MFSD12: variants seen among roughly 807,000 people sequenced by gnomAD.
MFSD12 encodes the protein major facilitator superfamily domain-containing protein 12.
MFSD12 carries 67 observed loss-of-function variants against 51.2 expected under a neutral mutation model. The ratio of observed to expected loss-of-function variants is 1.31; its 90% CI spans 1.08 to 1.60. MFSD12 has a LOEUF of 1.60. Ranked by LOEUF, MFSD12 falls within the 40% of genes most tolerant of loss-of-function variation. The probability of loss-of-function intolerance (pLI) is 0.00; values close to 1 mark genes in which losing one functional copy is unlikely to be tolerated. For synonymous variants in MFSD12, 441 were observed against 316.7 expected, an observed-to-expected ratio of 1.39 and a Z score of -4.17; for missense variants, 921 against 673.0, an observed-to-expected ratio of 1.37 and a Z score of -4.08.
chr19:3,554,909 C>T (rs1249997549), intron 1 of MFSD12, among the ~76,000 whole-genome samples: 1 of 152,184 alleles, frequency 6.6e-6, no homozygotes, highest in Non-Finnish European at 1.5e-5. Context: ...GCTTCTGCTC[C>T]CAACAGACCC....
downstream of MFSD12, among the ~76,000 whole-genome samples, chr19:3,540,958 CAGG>C (rs991785498): frequency 2.6e-5 from 4 of 151,364 alleles, no homozygotes; most frequent in African/African-American, 9.7e-5. Context: ...ATCACGAGGT[CAGG>C]AGATCAAGAC....
downstream of MFSD12, chr19:3,543,630 G>T (rs764052909): frequency 5.8e-6 from 9 of 1,544,410 alleles, no homozygotes; most frequent in African/African-American, 5.5e-5. Context: ...CCCAGCACCC[G>T]GTGGGGGAGC....
chr19:3,544,834 C>T lies in MFSD12; in HGVS notation c.1395G>A (p.Leu465=), dbSNP rs1171783548. Residue 465 remains leucine, a synonymous_variant, in exon 9 of 10, where the codon CTG becomes CTA. Transcript: ENST00000355415. ...VAAALCLCSL[L]LWPTRLRRWD... Reference sequence around the variant, plus strand: ...AGCGTCGCAGGCGGGTCGGCCACAGCAGGAGGCTACAGAGACACAGGGCAG... The same window carrying T: ...AGCGTCGCAGGCGGGTCGGCCACAGTAGGAGGCTACAGAGACACAGGGCAG... 2 of 1,612,430 alleles carry T rather than the reference C, an allele frequency of 1.2e-6. No individual in the cohort carries two copies. Among genetic ancestry groups the T allele is most frequent in the South Asian group, 1.1e-5 (1 of 91,042 alleles).
chr19:3,543,020 G>A (rs749448327), downstream of MFSD12: 22 of 1,605,054 alleles, frequency 1.4e-5, no homozygotes, highest in East Asian at 2.3e-5. Context: ...TGCTTGGGGT[G>A]CGATGTGTGG....
chr19:3,540,771 T>G (rs150908739), downstream of MFSD12, among the ~76,000 whole-genome samples: 1 of 146,068 alleles, frequency 6.8e-6, no homozygotes, highest in Non-Finnish European at 1.5e-5. Context: ...CCCAGCTACT[T>G]GGGAGGCTGA....
intron 1 of MFSD12, 131 bp downstream of exon 1, chr19:3,556,975 G>C (rs1287564024): frequency 1.1e-6 from 1 of 906,518 alleles, no homozygotes; most frequent in Non-Finnish European, 1.6e-6. Context: ...CGGGCCACGG[G>C]ACAGACAGAC....
intron 1 of MFSD12, among the ~76,000 whole-genome samples, chr19:3,556,737 T>G (rs1599844222): frequency 6.8e-6 from 1 of 146,550 alleles, no homozygotes; most frequent in East Asian, 2.0e-4. Context: ...GCCAGAGGGG[T>G]GAAAACTCAG....
intron 2 of MFSD12, among the ~76,000 whole-genome samples, chr19:3,549,266 A>G (rs1267973084): frequency 6.6e-6 from 1 of 152,182 alleles, no homozygotes. Flanking sequence ...AGCCCCAGAG[A>G]GGCCTGCCCA....
chr19:3,546,579 G>A (rs1017544688), intron 6 of MFSD12, among the ~76,000 whole-genome samples, 154 bp from the exon 7 acceptor site: 2 of 152,278 alleles, frequency 1.3e-5, no homozygotes, highest in Non-Finnish European at 2.9e-5. Context: ...CAACACCGAG[G>A]CTCTGCAGAT....
At chr19:3,541,618 G>A, downstream of MFSD12, 1 of 984,752 alleles carries the variant, frequency 1.0e-6, no homozygotes, top group Non-Finnish European at 1.2e-6. Flanking sequence ...ACCGCACCCA[G>A]TGCAAGACCC....
In MFSD12 at chr19:3,546,315, G is replaced by A; in HGVS notation, c.1134C>T (p.Gly378=). The A allele has an allele frequency of 6.2e-7, 1 of 1,609,498 alleles. No individual in the cohort carries two copies. The highest frequency in any genetic ancestry group is 8.5e-7 in the Non-Finnish European group (1 of 1,178,738). Residue 378 remains glycine (G), a synonymous_variant, in exon 7 of 10, where the codon GGC becomes GGT. Transcript: ENST00000355415. ...VYAAAVLLGA[G]CATILVTSLA... is the part of the protein sequence containing the mutation. ...GCGAGGTGACGAGGATGGTGGCACA[G>A]CCAGCACCCAGCAGCACAGCCGCTG...
At position 3,544,729 on chromosome 19, in the gene MFSD12, T is replaced by C. The variant is rs755898077; in HGVS notation, c.1424A>G (p.Asp475Gly). The C allele has an allele frequency of 7.7e-6, 11 of 1,421,398 alleles. No homozygotes were observed. The highest frequency in any genetic ancestry group is 4.6e-5 in the South Asian group (4 of 87,304). The allele number at this position is 1,421,398 out of a possible 1,614,324, so 88.0% of individuals were successfully genotyped here. ...LLWPTRLRRWDRDARP is the reference protein window; with the variant it reads ...LLWPTRLRRWGRDARP ...CAGGAGTCAGGGCCGGGCATCACGG[T>C]CCCCTGCAAGGGAGGGGTGGAAATG... The change falls in exon 10 of 10, where the codon GAC becomes GGC. Residue 475 changes from aspartate to glycine, a missense_variant. Coordinates refer to ENST00000355415, the MANE Select transcript of MFSD12 (RefSeq NM_174983.5).
At chr19:3,546,531 G>A (rs2031070864) in intron 6 of MFSD12, 106 bp from the exon 7 acceptor site, 1 of 1,355,580 alleles carries the variant, frequency 7.4e-7, no homozygotes, top group Non-Finnish European at 1.0e-6. Flanking sequence ...GGCATGAGCT[G>A]GATGGTCCCT....
At chr19:3,541,474 C>T (rs943459317), downstream of MFSD12, 1 of 163,274 alleles carries the variant, frequency 6.1e-6, no homozygotes, top group Non-Finnish European at 1.3e-5. Flanking sequence ...AGGCACCCAC[C>T]ACCACGCCCG....
chr19:3,547,715 T>C, intron 4 of MFSD12, 133 bp downstream of exon 4: 1 of 1,210,876 alleles, frequency 8.3e-7, no homozygotes, highest in Non-Finnish European at 1.1e-6. Context: ...ACTTGATGAG[T>C]GACGTTTGCC....
At position 3,544,763 on chromosome 19, in the gene MFSD12, G is replaced by A. The variant is rs2030809930; in HGVS notation, c.1421-31C>T. On this transcript the variant is annotated intron_variant, in intron 9 of 9. Transcript: ENST00000355415. ...AGGGAGGGGTGGAAATGGCATTAGA[G>A]AGTGTGGGTCAGTGTCTGGGGAGGG... 6 of 1,594,182 alleles carry A rather than the reference G, an allele frequency of 3.8e-6. No individual in the cohort carries two copies. The East Asian group carries it at 9.0e-5, about 24-fold the overall frequency.
Position 3,550,976 on chromosome 19 carries a change from G to A in MFSD12, c.509+8C>T, listed in dbSNP as rs758331847. 1 of 1,609,242 alleles carries A rather than the reference G, an allele frequency of 6.2e-7. No individual in the cohort carries two copies. The highest frequency in any genetic ancestry group is 2.2e-5 in the East Asian group (1 of 44,782). The stretch of plus-strand genomic sequence containing the variant: ...CCTGCCCGTGGGGGAGGGTGCCCAG[G>A]CTCCCACCTGAGTGCCGTGAGCTCC... On this transcript the variant is annotated splice_region_variant and intron_variant, in intron 2 of 9. Coordinates refer to ENST00000355415, the MANE Select transcript of MFSD12 (RefSeq NM_174983.5).
At chr19:3,539,283 G>A (rs1189512021), downstream of MFSD12, 3 of 1,374,402 alleles carry the variant, frequency 2.2e-6, no homozygotes, top group Non-Finnish European at 3.0e-6. Context: ...CTACAGGTGA[G>A]CCCCTCCCAG....
downstream of MFSD12, chr19:3,543,224 C>T (rs1218097141): frequency 1.5e-5 from 23 of 1,540,560 alleles, no homozygotes; most frequent in Non-Finnish European, 1.8e-5. Context: ...CTGCCCCCTG[C>T]CCACCCTCAG....
Sources: allele counts gnomAD v4.1 joint callset (sites outside exome capture counted in the v4.1 genomes callset), GRCh38; gene constraint gnomAD v4.1.1; transcripts MANE v1.5; gene names NCBI Gene and HGNC (gene_info 2026-07-23, HGNC 2026-07-21).